GABBR2: variants seen among roughly 807,000 people sequenced by gnomAD.
GABBR2 encodes the protein gamma-aminobutyric acid type B receptor subunit 2, also known as G-protein coupled receptor 51.
In GABBR2, 23 loss-of-function variants were observed where a neutral mutation model predicts 105.6. That is an observed-to-expected ratio of 0.22 (90% CI 0.16 to 0.31). The LOEUF (loss-of-function observed/expected upper bound fraction) is 0.31, where lower values mean the gene tolerates loss of function less well. GABBR2 is among the 10% of genes least tolerant of loss of function. The pLI is 1.00. For missense variants in GABBR2, 734 were observed against 1,245.5 expected (o/e 0.59, Z 6.18); for synonymous variants, 478 against 499.7 (o/e 0.96, Z 0.58).
intron 1 of GABBR2, among the ~76,000 whole-genome samples, chr9:98,587,019 T>A (rs1829087437): frequency 6.6e-6 from 1 of 152,236 alleles, no homozygotes; most frequent in Non-Finnish European, 1.5e-5. Flanking sequence ...TCTAAGTGGT[T>A]TGATCCATTT....
rs542390321 is a variant in GABBR2 at position 98,646,193 on chromosome 9, G to A, written c.321+62224C>T. Among the ~76,000 whole-genome samples the A allele has an allele frequency of 3.3e-5, 5 of 152,298 alleles. No homozygotes were observed. The East Asian group carries it at 9.7e-4, about 29-fold the overall frequency. ...CCCTCTGATAAGAATGGCTCACTGG[G>A]CCTAAATTGTTTGTGCAGACAATAT... On this transcript the variant is annotated intron_variant, in intron 1 of 18. Transcript: ENST00000259455.
intron 3 of GABBR2, among the ~76,000 whole-genome samples, chr9:98,527,088 TATA>T (rs955549505): frequency 3.4e-5 from 5 of 147,906 alleles, no homozygotes; most frequent in Non-Finnish European, 4.5e-5. Flanking sequence ...GTTAATAATA[TATA>T]ATAATAATAT....
chr9:98,627,970 A>G (rs1313685082), intron 1 of GABBR2, among the ~76,000 whole-genome samples: 2 of 152,070 alleles, frequency 1.3e-5, no homozygotes, highest in African/African-American at 4.8e-5. Flanking sequence ...CTTTCTGCTG[A>G]AAAAAACAGT....
chr9:98,326,433 G>C (rs889484818), intron 13 of GABBR2, among the ~76,000 whole-genome samples: 1 of 152,234 alleles, frequency 6.6e-6, no homozygotes, highest in Non-Finnish European at 1.5e-5. Context: ...GGTAGAGGCT[G>C]ATGCCACCAA....
intron 1 of GABBR2, among the ~76,000 whole-genome samples, chr9:98,611,594 A>G (rs1588252084): frequency 6.6e-6 from 1 of 152,332 alleles, no homozygotes; most frequent in Non-Finnish European, 1.5e-5. Flanking sequence ...TAGGCCCAGG[A>G]AAAATGAGCT....
chr9:98,434,065 T>C (rs1203657245), intron 7 of GABBR2, among the ~76,000 whole-genome samples: 3 of 152,028 alleles, frequency 2.0e-5, no homozygotes, highest in Non-Finnish European at 4.4e-5. Flanking sequence ...TCAATCTGAG[T>C]GGGCACAATC....
intron 3 of GABBR2, among the ~76,000 whole-genome samples, chr9:98,509,508 G>C (rs959768893): frequency 1.3e-5 from 2 of 152,144 alleles, no homozygotes; most frequent in African/African-American, 4.8e-5. Context: ...TGGCAAAGAA[G>C]TTAAAAGCTT....
intron 2 of GABBR2, among the ~76,000 whole-genome samples, chr9:98,564,732 G>T (rs943372388): frequency 6.6e-6 from 1 of 152,204 alleles, no homozygotes; most frequent in Non-Finnish European, 1.5e-5. Context: ...AGGCCCTTGG[G>T]GTACTGCTAA....
intron 3 of GABBR2, among the ~76,000 whole-genome samples, chr9:98,503,079 G>A (rs116878438): frequency 0.011 from 1,654 of 152,324 alleles, 18 homozygotes; most frequent in East Asian, 0.051. Flanking sequence ...CAGGGAATGT[G>A]TAAATGTTCA....
At position 98,293,849 on chromosome 9, in the gene GABBR2, A is replaced by C. The variant is rs1473671543; in HGVS notation, c.2596T>G (p.Trp866Gly). ...GTTCGAGAGGGCTCTGTTGTGTTCC[A>C]CTGTAGCTGGGGATTTTGATCGAGG... ...NHLDQNPQLQ[W>G]NTTEPSRTCK... The change falls in exon 18 of 19, where the codon TGG becomes GGG. Residue 866 changes from tryptophan to glycine, a missense_variant. Physicochemically the swap from Trp to Gly is radical, Grantham distance 184 (BLOSUM62 -2). Transcript: ENST00000259455. 1 of 1,613,216 alleles carries C rather than the reference A, an allele frequency of 6.2e-7. No individual in the cohort carries two copies. The highest frequency in any genetic ancestry group is 1.7e-5 in the Admixed American group (1 of 60,008).
chr9:98,548,153 A>AGG (rs138185713), intron 2 of GABBR2, among the ~76,000 whole-genome samples: 3,362 of 121,388 alleles, frequency 0.028, 657 homozygotes, highest in African/African-American at 0.081. Context: ...ACTTTTTCAA[A>AGG]GGTGTTTTAA....
intron 1 of GABBR2, among the ~76,000 whole-genome samples, chr9:98,597,326 G>T (rs929633953): frequency 6.6e-6 from 1 of 152,210 alleles, no homozygotes; most frequent in African/African-American, 2.4e-5. Context: ...AACATGCCAG[G>T]GACAACATGC....
chr9:98,310,367 G>A (rs1830616922), intron 14 of GABBR2, among the ~76,000 whole-genome samples: 1 of 150,370 alleles, frequency 6.7e-6, no homozygotes, highest in Admixed American at 6.6e-5. Flanking sequence ...TCCTGCCTCA[G>A]CCTCCAAAGT....
chr9:98,342,486 T>C (rs1481003382), intron 13 of GABBR2, among the ~76,000 whole-genome samples: 2 of 152,038 alleles, frequency 1.3e-5, no homozygotes, highest in Non-Finnish European at 2.9e-5. Context: ...AGGAGAATGA[T>C]GTGGTTAGAA....
In GABBR2 at chr9:98,306,766, CCA is replaced by C. The variant is rs146552760; in HGVS notation, c.2005-423_2005-422del. On this transcript the variant is annotated intron_variant, in intron 14 of 18. Coordinates refer to ENST00000259455, the MANE Select transcript of GABBR2 (RefSeq NM_005458.8). This position sits in a 1 kb window ranked among gnomAD's most constrained non-coding sequence, Gnocchi z 5.4. Reference sequence around the variant, plus strand: ...TGGGCTGTGTTTTTAGAAATTCACTCCAGTCTTTTTTCTATTAAACTAAGCAG... The same window carrying C: ...TGGGCTGTGTTTTTAGAAATTCACTCGTCTTTTTTCTATTAAACTAAGCAG... Among the ~76,000 whole-genome samples, 833 of 152,266 alleles carry C rather than the reference CCA, an allele frequency of 5.5e-3. 6 individuals carry two copies. Among genetic ancestry groups the C allele is most frequent in the Non-Finnish European group, 8.2e-3 (557 of 68,030 alleles).
intron 1 of GABBR2, among the ~76,000 whole-genome samples, chr9:98,619,860 G>T (rs1829643507): frequency 6.6e-6 from 1 of 152,182 alleles, no homozygotes; most frequent in African/African-American, 2.4e-5. Flanking sequence ...GTGTGGGGGA[G>T]AAAGGAGGGT....
chr9:98,608,220 GC>G, intron 1 of GABBR2: 1 of 807,110 alleles, frequency 1.2e-6, no homozygotes, highest in Non-Finnish European at 2.0e-6. Flanking sequence ...ACCAATTTGA[GC>G]CAGTTTTATC....
chr9:98,387,934 G>A (rs1465149978), intron 10 of GABBR2, among the ~76,000 whole-genome samples: 6 of 152,104 alleles, frequency 3.9e-5, no homozygotes, highest in East Asian at 3.8e-4. Flanking sequence ...ACTTGTTCCC[G>A]ACAGCCCACG....
intron 3 of GABBR2, among the ~76,000 whole-genome samples, chr9:98,540,185 G>A (rs2131738744): frequency 6.6e-6 from 1 of 152,324 alleles, no homozygotes; most frequent in South Asian, 2.1e-4. Flanking sequence ...AGAGAGGTGG[G>A]AAGATGACGA....
Sources: allele counts gnomAD v4.1 joint callset (sites outside exome capture counted in the v4.1 genomes callset), GRCh38; gene constraint gnomAD v4.1.1; non-coding constraint Gnocchi (gnomAD v3.1); transcripts MANE v1.5; gene names NCBI Gene and HGNC (gene_info 2026-07-23, HGNC 2026-07-21).